Variants in KLHL8 observed in about 807,000 individuals in gnomAD.
KLHL8 encodes kelch-like protein 8.
In KLHL8, 38 loss-of-function variants were observed where a neutral mutation model predicts 63.5. The ratio of observed to expected loss-of-function variants is 0.60; its 90% CI spans 0.46 to 0.78. The LOEUF is 0.78. Ranked by LOEUF, KLHL8 falls within the 30% of genes least tolerant of loss-of-function variation. The pLI is 0.00. For missense variants in KLHL8, 566 were observed against 752.4 expected (o/e 0.75, Z 2.90); for synonymous variants, 224 against 254.3 (o/e 0.88, Z 1.13).
At chr4:87,203,992 C>T (rs1732021787) in intron 1 of KLHL8, among the ~76,000 whole-genome samples, 1 of 152,118 alleles carries the variant, frequency 6.6e-6, no homozygotes, top group South Asian at 2.1e-4. Context: ...AGACACTTCA[C>T]CAGTGAAGAC....
upstream of KLHL8, among the ~76,000 whole-genome samples, chr4:87,223,672 A>G (rs1010246289): frequency 6.6e-6 from 1 of 152,096 alleles, no homozygotes; most frequent in Admixed American, 6.6e-5. Flanking sequence ...AAAAATTCTG[A>G]AAATTAAATG....
intron 8 of KLHL8, chr4:87,167,271 T>C (rs2149826879): frequency 4.2e-6 from 2 of 476,626 alleles, no homozygotes; most frequent in Non-Finnish European, 4.0e-6. Context: ...GGACCCATAT[T>C]AGAGACCGAA....
chr4:87,164,873 GC>G (rs1730314212), intron 8 of KLHL8, among the ~76,000 whole-genome samples: 1 of 152,118 alleles, frequency 6.6e-6, no homozygotes, highest in South Asian at 2.1e-4. Context: ...CAGAGGCCGG[GC>G]GCGGTGGCTC....
intron 1 of KLHL8, among the ~76,000 whole-genome samples, chr4:87,198,209 G>A (rs1469359354): frequency 1.3e-5 from 2 of 152,030 alleles, no homozygotes; most frequent in Non-Finnish European, 2.9e-5. Context: ...AACTCCAGCT[G>A]CTTGGGAGGC....
intron 1 of KLHL8, among the ~76,000 whole-genome samples, chr4:87,231,700 G>A (rs1210451574): frequency 3.9e-5 from 6 of 151,994 alleles, no homozygotes; most frequent in African/African-American, 1.2e-4. Context: ...AGGTTCAAGC[G>A]ATTCTCCTGC....
intron 1 of KLHL8, among the ~76,000 whole-genome samples, chr4:87,232,664 C>T (rs1733155843): frequency 6.6e-6 from 1 of 152,220 alleles, no homozygotes; most frequent in Non-Finnish European, 1.5e-5. Flanking sequence ...AGTGATCGTA[C>T]ATTCTGGCCA....
At chr4:87,169,945 G>T (rs1447223205) in intron 8 of KLHL8, 134 bp downstream of exon 8, 2 of 631,556 alleles carry the variant, frequency 3.2e-6, no homozygotes, top group Non-Finnish European at 2.7e-6. Context: ...ACAAAATTTT[G>T]TAAGAAAGAA....
intron 8 of KLHL8, among the ~76,000 whole-genome samples, chr4:87,164,914 C>T (rs183543715): frequency 0.016 from 2,361 of 151,850 alleles, 67 homozygotes; most frequent in African/African-American, 0.054. Context: ...TTTGGGAGGC[C>T]AAGGGGGGCC....
chr4:87,221,392 T>TAAAAAAAAAAAAAAAAAAA (rs71660123), upstream of KLHL8: 1 of 87,040 alleles, frequency 1.1e-5, no homozygotes, highest in African/African-American at 5.4e-5. Context: ...AGACTCCGTC[T>TAAAAAAAAAAAAAAAAAAA]AAAAAAAAAA....
intron 1 of KLHL8, chr4:87,240,224 C>T (rs970094788): frequency 2.6e-5 from 4 of 152,096 alleles, no homozygotes; most frequent in Admixed American, 6.5e-5. Context: ...ATTAAGGAAT[C>T]GTTAGATAAT....
intron 1 of KLHL8, among the ~76,000 whole-genome samples, chr4:87,202,338 T>C (rs1244508735): frequency 6.6e-6 from 1 of 152,162 alleles, no homozygotes; most frequent in Admixed American, 6.5e-5. Context: ...CAGGCTGGTC[T>C]CAAACTCCTG....
Position 87,163,560 on chromosome 4 carries a change from C to T in KLHL8, c.1822G>A (p.Asp608Asn), listed in dbSNP as rs758300687. Residue 608 changes from aspartate (D) to asparagine (N), a missense_variant, in exon 10 of 10, where the codon GAT (aspartate) becomes AAT (asparagine). By Grantham distance (23) the Asp-to-Asn change is conservative. Transcript: ENST00000273963. ...ACATTATTGGATCCATGACCTACAT[C>T]TCGAATTTGGCTAGTTAAACAGGAA... Reference protein sequence around the residue: ...VCSCLTSQIRDVGHGSNNVVD... With the variant: ...VCSCLTSQIRNVGHGSNNVVD... 1.2e-6 allele frequency: 2 copies of T among 1,614,148 alleles called. No individual in the cohort carries two copies. The highest frequency in any genetic ancestry group is 1.7e-5 in the Admixed American group (1 of 60,022).
At chr4:87,229,221 G>T (rs1033676486) in intron 1 of KLHL8, among the ~76,000 whole-genome samples, 5 of 152,168 alleles carry the variant, frequency 3.3e-5, no homozygotes, top group Admixed American at 2.6e-4. Context: ...TGCCTACTTG[G>T]TAGAGGTACT....
At chr4:87,176,643 T>C in intron 6 of KLHL8, 114 bp downstream of exon 6, 1 of 639,828 alleles carries the variant, frequency 1.6e-6, no homozygotes, top group Non-Finnish European at 2.7e-6. Context: ...AAAATGTGTT[T>C]GAGAAGGTAT....
At chr4:87,210,905 CA>C (rs1465576881) in intron 1 of KLHL8, among the ~76,000 whole-genome samples, 2 of 152,176 alleles carry the variant, frequency 1.3e-5, no homozygotes, top group African/African-American at 2.4e-5. Flanking sequence ...TGTGCTCCCA[CA>C]AAAGTCTGAT....
chr4:87,214,085 T>G (rs1732500788), intron 1 of KLHL8, among the ~76,000 whole-genome samples: 1 of 152,102 alleles, frequency 6.6e-6, no homozygotes, highest in Non-Finnish European at 1.5e-5. Context: ...GAGTCCTTGG[T>G]CAGGAACACA....
intron 5 of KLHL8, among the ~76,000 whole-genome samples, chr4:87,177,608 G>T (rs1451851342): frequency 1.3e-5 from 2 of 151,740 alleles, no homozygotes; most frequent in African/African-American, 4.8e-5. Context: ...CTGGTTTGTT[G>T]TTTGGCTTTT....
At chr4:87,179,351 C>T (rs1045326095) in intron 4 of KLHL8, among the ~76,000 whole-genome samples, 4 of 152,248 alleles carry the variant, frequency 2.6e-5, no homozygotes, top group South Asian at 2.1e-4. Flanking sequence ...TCTCTTAACA[C>T]TTAGCTGTCT....
chr4:87,190,644 TAA>T (rs34153862), intron 2 of KLHL8, among the ~76,000 whole-genome samples: 520 of 142,824 alleles, frequency 3.6e-3, no homozygotes, highest in Admixed American at 3.4e-3. Flanking sequence ...ACTCTGTCTT[TAA>T]AAAAAAAAAA....
Sources: gnomAD v4.1 joint callset for allele counts (sites outside exome capture counted in the v4.1 genomes callset) on GRCh38, gnomAD v4.1.1 for gene constraint, MANE v1.5 for transcripts, NCBI Gene and HGNC (gene_info 2026-07-23, HGNC 2026-07-21) for gene names.